The following GSE1 variants were observed in gnomAD, a reference collection of about 807,000 sequenced individuals.
GSE1 encodes the protein Gse1 coiled-coil protein, also known as genetic suppressor element 1.
In GSE1, 32 loss-of-function variants were observed where a neutral mutation model predicts 112.6. The observed-to-expected ratio is 0.28, with a 90% CI of 0.21 to 0.38. GSE1 has a LOEUF of 0.38. Ranked by LOEUF, GSE1 falls within the 10% of genes least tolerant of loss-of-function variation. The pLI is 1.00. For synonymous variants in GSE1, 1,115 were observed against 735.6 expected, an observed-to-expected ratio of 1.52 and a Z score of -8.35; for missense variants, 2,348 against 1,699.2, an observed-to-expected ratio of 1.38 and a Z score of -6.71.
chr16:85,672,602 A>G lies in GSE1; in HGVS notation c.*63A>G. ...AATATTATCTATTTTATTACCTTGAATATTTAATATTTTTCACTGGGAGGT... is the reference window on the plus strand; with the variant it reads ...AATATTATCTATTTTATTACCTTGAGTATTTAATATTTTTCACTGGGAGGT... On this transcript the variant is annotated 3_prime_UTR_variant, in exon 16 of 16. Transcript: ENST00000253458. 1 of 1,150,136 alleles carries G rather than the reference A, an allele frequency of 8.7e-7. No homozygotes were observed. The highest frequency in any genetic ancestry group is 2.1e-5 in the South Asian group (1 of 48,016). 71.2% of individuals were successfully genotyped at this position (1,150,136 alleles called of 1,614,324 possible).
chr16:85,631,186 C>G (rs924242797), intron 1 of GSE1, among the ~76,000 whole-genome samples: 1 of 152,230 alleles, frequency 6.6e-6, no homozygotes, highest in African/African-American at 2.4e-5. Flanking sequence ...TAGACATTCC[C>G]TCCTAAAAAC....
Position 85,622,206 on chromosome 16 carries a change from T to C in GSE1, c.7+8808T>C, listed in dbSNP as rs138714217. On this transcript the variant is annotated intron_variant, in intron 1 of 15. Transcript: ENST00000253458. ...CAGGACTCCTGGCGCATGACTGTTA[T>C]GGGAGCTTTTCCTGGACAGCTCCAT... Among the ~76,000 whole-genome samples the C allele has an allele frequency of 7.4e-3, 1,126 of 152,316 alleles. 4 individuals are homozygous for C. Among genetic ancestry groups the C allele is most frequent in the Middle Eastern group, 0.017 (5 of 294 alleles).
intron 1 of GSE1, among the ~76,000 whole-genome samples, chr16:85,312,523 C>A (rs1377740927): frequency 6.6e-6 from 1 of 152,182 alleles, no homozygotes; most frequent in East Asian, 1.9e-4. Context: ...TGTAAGGACG[C>A]TAGTTAGTGG....
chr16:85,633,556 T>A (rs2049728239), intron 1 of GSE1, among the ~76,000 whole-genome samples: 1 of 152,126 alleles, frequency 6.6e-6, no homozygotes, highest in African/African-American at 2.4e-5. Context: ...TGGGCCTCAG[T>A]CTCCTTCCCC....
chr16:85,642,462 C>A lies in GSE1; in HGVS notation c.227-6090C>A, dbSNP rs201869330. ...CCCCTGCATGGTTGAAAGCAGGGGG[C>A]AAAGTGCACCTGGGGACCCTCCTTC... On this transcript the variant is annotated intron_variant, in intron 2 of 15. Transcript: ENST00000253458. 2.4e-5 allele frequency among the ~76,000 whole-genome samples: 3 copies of A among 122,532 alleles called. No individual in the cohort carries two copies. The East Asian group carries it at 1.7e-3, about 68-fold the overall frequency. 80.4% of individuals were successfully genotyped at this position (122,532 alleles called of 152,430 possible). A position where few individuals can be genotyped will look rare whatever the true frequency, so the allele number is the denominator to read the frequency against.
At chr16:85,557,580 TCC>T (rs1377212445) in intron 1 of GSE1, among the ~76,000 whole-genome samples, 3 of 151,504 alleles carry the variant, frequency 2.0e-5, no homozygotes, top group Non-Finnish European at 2.9e-5. Flanking sequence ...TTTTTTTTTT[TCC>T]TCTGTTCAGA....
upstream of GSE1, chr16:85,555,785 C>G (rs1356710332): frequency 1.0e-6 from 1 of 976,118 alleles, no homozygotes; most frequent in African/African-American, 1.8e-5. Context: ...GAGATTGCTA[C>G]TCGCACGTCC....
rs764465019 is a variant in GSE1, at chr16:85,663,537, A to G, written c.2567A>G (p.Asn856Ser). ...STRYSPDEMN[N>S]SPNFEEKKKF... Reference sequence around the variant, plus strand: ...CGCTACAGCCCTGATGAGATGAACAACAGTCCCAACTTCGAAGAAAAGAAG... The same window carrying G: ...CGCTACAGCCCTGATGAGATGAACAGCAGTCCCAACTTCGAAGAAAAGAAG... Residue 856 changes from asparagine to serine, a missense_variant, in exon 11 of 16, where the codon AAC (asparagine) becomes AGC (serine). Transcript: ENST00000253458. 1.9e-5 allele frequency: 30 copies of G among 1,613,778 alleles called. No homozygotes were observed. The highest frequency in any genetic ancestry group is 2.4e-5 in the Non-Finnish European group (28 of 1,180,004).
chr16:85,643,665 T>C (rs2050625706), intron 2 of GSE1, among the ~76,000 whole-genome samples: 1 of 152,202 alleles, frequency 6.6e-6, no homozygotes, highest in African/African-American at 2.4e-5. Context: ...GTGCATCCCC[T>C]TATGGCATGG....
intron 1 of GSE1, among the ~76,000 whole-genome samples, chr16:85,246,256 TACACACACACACACACACCCCACAC>T (rs1222255335): frequency 1.4e-4 from 12 of 87,006 alleles, no homozygotes; most frequent in Non-Finnish European, 2.7e-4. Flanking sequence ...ACACGCTGTC[TACACACACACACACACACCCCACAC>T]GCTGTCTACA....
chr16:85,278,176 G>A (rs917401639), intron 1 of GSE1, among the ~76,000 whole-genome samples: 7 of 152,174 alleles, frequency 4.6e-5, no homozygotes, highest in Admixed American at 4.6e-4. Context: ...AAGCTGGTGA[G>A]GCCCCCCTGG....
intron 1 of GSE1, among the ~76,000 whole-genome samples, chr16:85,287,343 C>A (rs2045063353): frequency 1.3e-5 from 2 of 152,280 alleles, no homozygotes; most frequent in Admixed American, 6.5e-5. Context: ...TCCCCCTGCA[C>A]CAGCCACCCC....
At chr16:85,484,655 T>G (rs1488055846) in intron 2 of GSE1, among the ~76,000 whole-genome samples, 1 of 152,138 alleles carries the variant, frequency 6.6e-6, no homozygotes, top group African/African-American at 2.4e-5. Flanking sequence ...CCCACATTTT[T>G]ACAGCTGGGG....
intron 2 of GSE1, among the ~76,000 whole-genome samples, chr16:85,410,088 T>C (rs1192583455): frequency 6.7e-5 from 3 of 44,892 alleles, no homozygotes; most frequent in Non-Finnish European, 7.3e-5. Context: ...TAATCCTCAC[T>C]GTTACTCTCA....
At chr16:85,282,830 A>C (rs2044895186) in intron 1 of GSE1, 1 of 152,262 alleles carries the variant, frequency 6.6e-6, no homozygotes, top group South Asian at 2.1e-4. Context: ...CTGCATAACG[A>C]ATCACTCCCA....
At chr16:85,177,273 C>G (rs1257729412) in intron 1 of GSE1, among the ~76,000 whole-genome samples, 1 of 152,248 alleles carries the variant, frequency 6.6e-6, no homozygotes, top group Non-Finnish European at 1.5e-5. Flanking sequence ...GTGAGGTTAA[C>G]TCTGCTGGGA....
In GSE1 at chr16:85,619,978, G is replaced by A. The variant is rs547604402; in HGVS notation, c.7+6580G>A. ...CCTTAGAGCCTGGAGAGAGGTCACC[G>A]GCTGCTTCGGAAGGCCCTGTTTAAC... On this transcript the variant is annotated intron_variant, in intron 1 of 15. Coordinates refer to ENST00000253458, the MANE Select transcript of GSE1 (RefSeq NM_014615.5). Among the ~76,000 whole-genome samples the A allele has an allele frequency of 1.2e-4, 18 of 152,272 alleles. No individual in the cohort carries two copies. The South Asian group carries it at 1.4e-3, about 12-fold the overall frequency.
intron 2 of GSE1, among the ~76,000 whole-genome samples, chr16:85,464,799 C>T (rs572790821): frequency 2.0e-5 from 3 of 152,224 alleles, no homozygotes; most frequent in Admixed American, 1.3e-4. Flanking sequence ...CTAGTGAGGC[C>T]GGGAGGAGGA....
At chr16:85,439,632 C>T (rs758403507) in intron 2 of GSE1, among the ~76,000 whole-genome samples, 1 of 152,158 alleles carries the variant, frequency 6.6e-6, no homozygotes, top group Admixed American at 6.5e-5. Context: ...GATGGGCCTG[C>T]AGGTCCAGCC....
Sources: allele counts gnomAD v4.1 joint callset (sites outside exome capture counted in the v4.1 genomes callset), GRCh38; gene constraint gnomAD v4.1.1; transcripts MANE v1.5; gene names NCBI Gene and HGNC (gene_info 2026-07-23, HGNC 2026-07-21).